Variants in ARHGAP40 observed in about 807,000 individuals in gnomAD.
ARHGAP40 encodes the protein rho GTPase-activating protein 40.
ARHGAP40 carries 43 observed loss-of-function variants against 73.5 expected under a neutral mutation model. That is an observed-to-expected ratio of 0.58 (90% CI 0.46 to 0.75). The LOEUF (loss-of-function observed/expected upper bound fraction) is 0.75, where lower values mean the gene tolerates loss of function less well. Among genes scored for constraint, ARHGAP40 ranks in the 30% least tolerant of loss-of-function variants. ARHGAP40 has a pLI of 0.00. For missense variants in ARHGAP40, 734 were observed against 861.8 expected (o/e 0.85, Z 1.86); for synonymous variants, 300 against 352.8 (o/e 0.85, Z 1.68).
At chr20:38,643,843 A>G (rs139956006) in exon 11 of ARHGAP40, 13 of 1,305,430 alleles carry the variant, frequency 1.0e-5, no homozygotes, top group Non-Finnish European at 1.2e-5. Context: ...GGCAAGGAGA[A>G]GCAGCTGGCA....
chr20:38,629,125 C>A, intron 4 of ARHGAP40, 123 bp downstream of exon 4: 1 of 884,386 alleles, frequency 1.1e-6, no homozygotes, highest in Non-Finnish European at 1.5e-6. Flanking sequence ...TCCCTGCCTT[C>A]CCTGCTCAAG....
intron 6 of ARHGAP40, among the ~76,000 whole-genome samples, chr20:38,636,529 C>T (rs2088976121): frequency 6.6e-6 from 1 of 152,116 alleles, no homozygotes; most frequent in Non-Finnish European, 1.5e-5. Context: ...TCCCAAAGTG[C>T]TGGGGTTACA....
intron 1 of ARHGAP40, among the ~76,000 whole-genome samples, chr20:38,609,120 A>G (rs1043426505): frequency 7.2e-5 from 11 of 152,188 alleles, no homozygotes; most frequent in African/African-American, 2.7e-4. Flanking sequence ...CATGTAACAC[A>G]CACATTTACA....
chr20:38,640,135 TTCTTCTTTCTTCTTCC>T (rs2089006954), intron 9 of ARHGAP40, among the ~76,000 whole-genome samples: 1 of 75,806 alleles, frequency 1.3e-5, no homozygotes, highest in Non-Finnish European at 2.3e-5. Flanking sequence ...CTCTTCTTTC[TTCTTCTTTCTTCTTCC>T]TCTTCTTTCT....
chr20:38,640,167 C>CTTCT lies in ARHGAP40; in HGVS notation c.1279+783_1279+786dup, dbSNP rs1568611179. On this transcript the variant is annotated intron_variant, in intron 9 of 14. Transcript: ENST00000373345. ...TTCTTCTTCCTCTTCTTTCTTCTTTCTTCTTCTTTCTTCTTTTCTTCTTTT... is the reference window on the plus strand; with the variant it reads ...TTCTTCTTCCTCTTCTTTCTTCTTTCTTCTTTCTTCTTTCTTCTTTTCTTCTTTT... Among the ~76,000 whole-genome samples, 365 of 56,098 alleles carry CTTCT rather than the reference C, an allele frequency of 6.5e-3. 3 individuals are homozygous for CTTCT. Among genetic ancestry groups the CTTCT allele is most frequent in the South Asian group, 0.024 (29 of 1,220 alleles). 36.8% of individuals were successfully genotyped at this position (56,098 alleles called of 152,430 possible). A position where few individuals can be genotyped will look rare whatever the true frequency, so the allele number is the denominator to read the frequency against.
intron 1 of ARHGAP40, among the ~76,000 whole-genome samples, chr20:38,619,323 G>A (rs576657281): frequency 6.6e-6 from 1 of 152,192 alleles, no homozygotes; most frequent in African/African-American, 2.4e-5. Flanking sequence ...ACCAGAGAAG[G>A]GTATCTAGAC....
At chr20:38,640,663 C>G (rs1210451607) in intron 9 of ARHGAP40, among the ~76,000 whole-genome samples, 1 of 152,202 alleles carries the variant, frequency 6.6e-6, no homozygotes, top group Admixed American at 6.5e-5. Flanking sequence ...CCCCTTTCCT[C>G]CTGGGCCCCT....
chr20:38,639,742 CTG>C (rs1387571556), intron 9 of ARHGAP40, among the ~76,000 whole-genome samples: 1 of 152,226 alleles, frequency 6.6e-6, no homozygotes, highest in Non-Finnish European at 1.5e-5. Context: ...ACCTGTGTAT[CTG>C]TGGGCACACA....
chr20:38,619,078 C>A (rs776311422), intron 1 of ARHGAP40, among the ~76,000 whole-genome samples: 1 of 152,140 alleles, frequency 6.6e-6, no homozygotes, highest in Non-Finnish European at 1.5e-5. Flanking sequence ...ATGGCAGAGA[C>A]GTAATCCAGG....
At chr20:38,614,173 T>C (rs1285120348) in intron 1 of ARHGAP40, among the ~76,000 whole-genome samples, 1 of 152,144 alleles carries the variant, frequency 6.6e-6, no homozygotes, top group Non-Finnish European at 1.5e-5. Context: ...ATGTACTAAG[T>C]TATGTGAGTG....
intron 9 of ARHGAP40, among the ~76,000 whole-genome samples, chr20:38,640,962 G>C (rs969359696): frequency 6.6e-6 from 1 of 152,152 alleles, no homozygotes; most frequent in Non-Finnish European, 1.5e-5. Context: ...TAAGCTCCAT[G>C]AGCCTGTGAC....
exon 14 of ARHGAP40, chr20:38,648,657 A>G: frequency 7.7e-7 from 1 of 1,305,582 alleles, no homozygotes; most frequent in Non-Finnish European, 1.0e-6. Context: ...AGGTCCATGG[A>G]GTCAGCCAAC....
intron 1 of ARHGAP40, among the ~76,000 whole-genome samples, chr20:38,603,513 C>T (rs2088752347): frequency 6.6e-6 from 1 of 151,964 alleles, no homozygotes. Flanking sequence ...TCTAATCTAT[C>T]TATCCATCTA....
rs372397918 is a variant in ARHGAP40, at chr20:38,649,855, C to T, written c.*7C>T. The stretch of plus-strand genomic sequence containing the variant: ...TAAACAGAACCCCACCTAAACCCTG[C>T]GAGTCTCAGGAGCAGCCTGGATGCC... On this transcript the variant is annotated 3_prime_UTR_variant, in exon 15 of 15. Transcript: ENST00000373345. 48 of 1,304,560 alleles carry T rather than the reference C, an allele frequency of 3.7e-5. No individual in the cohort carries two copies. The African/African-American group carries it at 6.5e-4, about 18-fold the overall frequency. The allele number at this position is 1,304,560 out of a possible 1,614,324, so 80.8% of individuals were successfully genotyped here.
At chr20:38,622,532 T>A (rs1386259900) in intron 1 of ARHGAP40, among the ~76,000 whole-genome samples, 2 of 152,178 alleles carry the variant, frequency 1.3e-5, no homozygotes, top group African/African-American at 4.8e-5. Flanking sequence ...ATTCTTTGAT[T>A]GCATGAAGCA....
At chr20:38,641,464 C>T (rs1273758375) in intron 9 of ARHGAP40, among the ~76,000 whole-genome samples, 3 of 152,332 alleles carry the variant, frequency 2.0e-5, no homozygotes, top group African/African-American at 7.2e-5. Flanking sequence ...GCATCTAGGT[C>T]TGTGCGGCAT....
chr20:38,621,732 G>T (rs2088874765), intron 1 of ARHGAP40, among the ~76,000 whole-genome samples: 1 of 152,170 alleles, frequency 6.6e-6, no homozygotes, highest in South Asian at 2.1e-4. Context: ...ACTGCATATT[G>T]ATTTTATAAG....
At position 38,617,136 on chromosome 20, in the gene ARHGAP40, C is replaced by T. The variant is rs944866706; in HGVS notation, c.138-6223C>T. Among the ~76,000 whole-genome samples the T allele has an allele frequency of 6.5e-4, 99 of 152,124 alleles. 2 individuals carry two copies. Among genetic ancestry groups the T allele is most frequent in the African/African-American group, 2.0e-3 (81 of 41,434 alleles). ...CTGAAGCCAGGCCACGCTCCCTGCC[C>T]CAGCAGGTCCAGGCTGAGCTGACCT... On this transcript the variant is annotated intron_variant, in intron 1 of 14. Transcript: ENST00000373345.
At chr20:38,615,163 C>G in intron 1 of ARHGAP40, 1 of 924,804 alleles carries the variant, frequency 1.1e-6, no homozygotes, top group Non-Finnish European at 1.8e-6. Flanking sequence ...TTGTCTGAAG[C>G]ATGATTTAAT....
Sources: gnomAD v4.1 joint callset for allele counts (sites outside exome capture counted in the v4.1 genomes callset) on GRCh38, gnomAD v4.1.1 for gene constraint, MANE v1.5 for transcripts, NCBI Gene and HGNC (gene_info 2026-07-23, HGNC 2026-07-21) for gene names.